CA1: variants seen among roughly 807,000 people sequenced by gnomAD.
CA1 encodes carbonate dehydratase I.
CA1 carries 27 observed loss-of-function variants against 28.8 expected under a neutral mutation model. The observed-to-expected ratio is 0.94, with a 90% CI of 0.69 to 1.29. The LOEUF is 1.29. Among genes scored for constraint, CA1 ranks in the 50% most tolerant of loss-of-function variants. CA1 has a pLI of 0.00. For missense variants in CA1, 335 were observed against 310.5 expected (o/e 1.08, Z -0.59); for synonymous variants, 121 against 108.8 (o/e 1.11, Z -0.70).
chr8:85,347,221 T>C (rs191845885), intron 1 of CA1, among the ~76,000 whole-genome samples: 47 of 152,362 alleles, frequency 3.1e-4, no homozygotes, highest in African/African-American at 8.2e-4. Flanking sequence ...GTTCCCAATG[T>C]ATGGTTTGTA....
intron 1 of CA1, among the ~76,000 whole-genome samples, chr8:85,350,914 G>A (rs1225317374): frequency 6.6e-6 from 1 of 152,070 alleles, no homozygotes; most frequent in Non-Finnish European, 1.5e-5. Flanking sequence ...TAATTCCTAG[G>A]GGTGCTTGCT....
chr8:85,346,681 G>C (rs1346541926), intron 1 of CA1, among the ~76,000 whole-genome samples: 3 of 152,138 alleles, frequency 2.0e-5, no homozygotes, highest in Non-Finnish European at 2.9e-5. Flanking sequence ...AGAATCGCTT[G>C]AACCCGGGAG....
At chr8:85,344,357 A>C (rs1809093367) in intron 1 of CA1, among the ~76,000 whole-genome samples, 1 of 142,796 alleles carries the variant, frequency 7.0e-6, no homozygotes, top group African/African-American at 2.5e-5. Context: ...TATATTATGT[A>C]TATTAGATTA....
At chr8:85,375,994 T>C (rs928092536) in intron 1 of CA1, among the ~76,000 whole-genome samples, 4 of 152,206 alleles carry the variant, frequency 2.6e-5, no homozygotes, top group African/African-American at 9.6e-5. Context: ...TAGTGAATAA[T>C]ATCCTATAGA....
intron 1 of CA1, among the ~76,000 whole-genome samples, chr8:85,369,282 ATCAGATT>A (rs1810129504): frequency 6.6e-6 from 1 of 152,132 alleles, no homozygotes; most frequent in South Asian, 2.1e-4. Flanking sequence ...CCTTATTTAT[ATCAGATT>A]TCATCTTTCA....
intron 4 of CA1, among the ~76,000 whole-genome samples, chr8:85,333,887 A>G (rs1395291570): frequency 6.6e-6 from 1 of 152,194 alleles, no homozygotes; most frequent in African/African-American, 2.4e-5. Flanking sequence ...CTTTAAATGT[A>G]TCTCTCTTTG....
chr8:85,367,537 C>G (rs1214471980), intron 1 of CA1, among the ~76,000 whole-genome samples: 4 of 152,192 alleles, frequency 2.6e-5, no homozygotes, highest in African/African-American at 9.7e-5. Context: ...TTTGTGGTTC[C>G]TTTAAGCGAG....
intron 4 of CA1, among the ~76,000 whole-genome samples, chr8:85,334,890 C>T (rs551543443): frequency 3.3e-5 from 5 of 151,890 alleles, no homozygotes; most frequent in East Asian, 1.9e-4. Context: ...CTCAGGAGGC[C>T]GGGGCAGGAG....
intron 1 of CA1, among the ~76,000 whole-genome samples, chr8:85,375,279 G>A (rs1464981353): frequency 6.6e-6 from 1 of 152,070 alleles, no homozygotes; most frequent in Non-Finnish European, 1.5e-5. Flanking sequence ...AGACAGGAAG[G>A]ACACACTAAA....
chr8:85,367,841 T>C (rs900122484), intron 1 of CA1, among the ~76,000 whole-genome samples: 4 of 152,210 alleles, frequency 2.6e-5, no homozygotes, highest in Non-Finnish European at 4.4e-5. Flanking sequence ...TGAGATTATG[T>C]ATTATATACA....
At chr8:85,332,418 C>T in intron 6 of CA1, 72 bp downstream of exon 6, 1 of 1,262,606 alleles carries the variant, frequency 7.9e-7, no homozygotes, top group Non-Finnish European at 1.2e-6. Context: ...AGTTTTAATA[C>T]TTCATTAAAT....
intron 1 of CA1, among the ~76,000 whole-genome samples, chr8:85,344,039 AAGG>A (rs1307317204): frequency 6.9e-6 from 1 of 145,908 alleles, no homozygotes; most frequent in Admixed American, 7.0e-5. Flanking sequence ...GCCTACCAAG[AAGG>A]AGTTTAATCT....
Position 85,328,605 on chromosome 8 carries a change from G to A in CA1, c.741C>T (p.Arg247=). ...TTCTGCCCTTCAGAGGTTGGGTTGGGCGGTTGTTGTGCTGCATGGGGACAG... is the reference window on the plus strand; with the variant it reads ...TTCTGCCCTTCAGAGGTTGGGTTGGACGGTTGTTGTGCTGCATGGGGACAG... ...DNAVPMQHNN[R]PTQPLKGRTV... Residue 247 remains arginine (R), a synonymous_variant, in exon 8 of 8, where the codon CGC becomes CGT. Coordinates refer to ENST00000523022, the MANE Select transcript of CA1 (RefSeq NM_001128831.4). 1 of 1,612,114 alleles carries A rather than the reference G, an allele frequency of 6.2e-7. No individual in the cohort carries two copies. Among genetic ancestry groups the A allele is most frequent in the Non-Finnish European group, 8.5e-7 (1 of 1,178,622 alleles).
Position 85,337,004 on chromosome 8 carries a change from C to A in CA1, c.295G>T (p.Gly99Cys). ...TCTGAACCATGCTCATTTGTACTGC[C>A]CCAGTGAAAATGGAACTGAAAGAGC... ...YRLFQFHFHW[G>C]STNEHGSEHT... Residue 99 changes from glycine (G) to cysteine (C), a missense_variant, in exon 4 of 8, where the codon GGC (glycine) becomes TGC (cysteine). Transcript: ENST00000523022. 1.9e-6 allele frequency: 3 copies of A among 1,613,412 alleles called. No homozygotes were observed. Among genetic ancestry groups the A allele is most frequent in the Non-Finnish European group, 1.7e-6 (2 of 1,179,472 alleles).
At chr8:85,376,775 A>T (rs1810435176) in intron 1 of CA1, among the ~76,000 whole-genome samples, 1 of 152,188 alleles carries the variant, frequency 6.6e-6, no homozygotes, top group African/African-American at 2.4e-5. Flanking sequence ...AAGCTCTGTT[A>T]CCTCAAGGAG....
At chr8:85,353,103 A>G (rs184281839) in intron 1 of CA1, among the ~76,000 whole-genome samples, 11 of 152,334 alleles carry the variant, frequency 7.2e-5, no homozygotes, top group African/African-American at 2.4e-4. Flanking sequence ...CCAGTGGTCA[A>G]AAATTTGAGG....
intron 6 of CA1, 63 bp from the exon 7 acceptor site, chr8:85,329,907 T>C: frequency 2.5e-6 from 3 of 1,193,534 alleles, no homozygotes; most frequent in Non-Finnish European, 3.6e-6. Context: ...ATATGTGACA[T>C]ATATATGCTA....
At chr8:85,338,804 C>T (rs1391882466) in intron 2 of CA1, among the ~76,000 whole-genome samples, 2 of 151,210 alleles carry the variant, frequency 1.3e-5, no homozygotes, top group East Asian at 2.0e-4. Flanking sequence ...ACCTCTGCCT[C>T]CCAAGCTCAA....
At chr8:85,370,768 T>C (rs961897165) in intron 1 of CA1, among the ~76,000 whole-genome samples, 1 of 152,202 alleles carries the variant, frequency 6.6e-6, no homozygotes, top group African/African-American at 2.4e-5. Flanking sequence ...TATTGACTTT[T>C]CTCAGAAATT....
Sources: gnomAD v4.1 joint callset for allele counts (sites outside exome capture counted in the v4.1 genomes callset) on GRCh38, gnomAD v4.1.1 for gene constraint, MANE v1.5 for transcripts, NCBI Gene and HGNC (gene_info 2026-07-23, HGNC 2026-07-21) for gene names.